Variants in CCDC88C observed in about 807,000 individuals in gnomAD.
CCDC88C encodes coiled-coil and HOOK domain protein 88C.
Under a neutral mutation model 198.8 loss-of-function variants are expected in CCDC88C, and 131 were observed. The observed-to-expected ratio is 0.66, with a 90% CI of 0.57 to 0.76. The LOEUF (loss-of-function observed/expected upper bound fraction) is 0.76. Ranked by LOEUF, CCDC88C falls within the 30% of genes least tolerant of loss-of-function variation. CCDC88C has a pLI of 0.00. For synonymous variants in CCDC88C, 1,166 were observed against 1,114.7 expected, an observed-to-expected ratio of 1.05 and a Z score of -0.92; for missense variants, 2,553 against 2,631.6, an observed-to-expected ratio of 0.97 and a Z score of 0.65.
At chr14:91,416,588 G>A (rs1400199050) in intron 2 of CCDC88C, 150 bp downstream of exon 2, 3 of 671,580 alleles carry the variant, frequency 4.5e-6, no homozygotes, top group East Asian at 2.7e-5. Flanking sequence ...TGTCCAACAG[G>A]CACGTTAATA....
At position 91,283,423 on chromosome 14, in the gene CCDC88C, G is replaced by A; in HGVS notation, c.4536C>T (p.Pro1512=). The A allele has an allele frequency of 6.2e-7, 1 of 1,613,724 alleles. No individual in the cohort carries two copies. Among genetic ancestry groups the A allele is most frequent in the Non-Finnish European group, 8.5e-7 (1 of 1,179,822 alleles). ...AGCAAGTCCGGGAGCCCAGCTCCGA[G>A]GGCCAGGACCTCATGGCCAGATCGG... ...ASTDLAMRSW[P]SELGSRTCST... The change falls in exon 26 of 30, where the codon CCC becomes CCT. Residue 1512 remains proline (P), a synonymous_variant. Coordinates refer to ENST00000389857, the MANE Select transcript of CCDC88C (RefSeq NM_001080414.4).
Position 91,273,149 on chromosome 14 carries a change from T to C in CCDC88C, c.5563A>G (p.Ser1855Gly). Reference protein sequence around the residue: ...LQSPAPPSSHSLARERTPLVG... With the variant: ...LQSPAPPSSHGLARERTPLVG... ...AGTGGGGTCCGCTCCCGGGCCAGGC[T>C]ATGGGAGCTGGGGGGTGCGGGGCTT... Residue 1855 changes from serine to glycine, a missense_variant, in exon 30 of 30, where the codon AGC becomes GGC. Around this residue, in one of 2 missense-constraint regions of CCDC88C, gnomAD observed 1,293 missense variants for 1,219.6 expected, o/e 1.06. Coordinates refer to ENST00000389857, the MANE Select transcript of CCDC88C (RefSeq NM_001080414.4). This position sits in a 1 kb window ranked among gnomAD's most constrained non-coding sequence, Gnocchi z 5.6. 6.3e-7 allele frequency: 1 copy of C among 1,581,144 alleles called. No individual in the cohort carries two copies. The highest frequency in any genetic ancestry group is 8.6e-7 in the Non-Finnish European group (1 of 1,163,996).
Position 91,289,415 on chromosome 14 carries a change from C to T in CCDC88C, c.4203-72G>A. 3 of 1,338,732 alleles carry T rather than the reference C, an allele frequency of 2.2e-6. No individual in the cohort carries two copies. In the Admixed American group the frequency reaches 5.0e-5, roughly 22 times the overall value. 82.9% of individuals were successfully genotyped at this position (1,338,732 alleles called of 1,614,324 possible). A position where few individuals can be genotyped will look rare whatever the true frequency, so the allele number is the denominator to read the frequency against. ...CCCCAGTGGGTCCCTGGTTCCCTAA[C>T]ATGGGCTGGGATGTTCTTCCCCAGT... On this transcript the variant is annotated intron_variant, in intron 24 of 29. Coordinates refer to ENST00000389857, the MANE Select transcript of CCDC88C (RefSeq NM_001080414.4).
Position 91,281,469 on chromosome 14 carries a change from G to A in CCDC88C, c.4687C>T (p.His1563Tyr). ...EPSLEFEVPN[H>Y]RQYVSRPSSL... ...CCTCCCTACTCACCGTACTGCCTGTGGTTGGGGACCTCAAACTCCAGGGAT... is the reference window on the plus strand; with the variant it reads ...CCTCCCTACTCACCGTACTGCCTGTAGTTGGGGACCTCAAACTCCAGGGAT... The change falls in exon 27 of 30, where the codon CAC becomes TAC. Residue 1563 changes from histidine (H) to tyrosine (Y), a missense_variant. By Grantham distance (83) the His-to-Tyr change is moderately conservative. This residue lies in a region of CCDC88C where 1,293 missense variants were observed against 1,219.6 expected (regional missense o/e 1.06). Coordinates refer to ENST00000389857, the MANE Select transcript of CCDC88C (RefSeq NM_001080414.4). 2 of 1,613,944 alleles carry A rather than the reference G, an allele frequency of 1.2e-6. No individual in the cohort carries two copies. The highest frequency in any genetic ancestry group is 1.7e-6 in the Non-Finnish European group (2 of 1,179,846).
In CCDC88C at chr14:91,272,494, C is replaced by T; in HGVS notation, c.*131G>A. The T allele has an allele frequency of 2.2e-6, 2 of 911,944 alleles. No individual in the cohort carries two copies. Among genetic ancestry groups the T allele is most frequent in the Non-Finnish European group, 3.3e-6 (2 of 601,964 alleles). 56.5% of individuals were successfully genotyped at this position (911,944 alleles called of 1,614,324 possible). On this transcript the variant is annotated 3_prime_UTR_variant, in exon 30 of 30. Coordinates refer to ENST00000389857, the MANE Select transcript of CCDC88C (RefSeq NM_001080414.4). ...GTGTTTCCATTCACAGAACAAACAG[C>T]AGAAATGCGTGGGAACCCCTTTCCT...
In CCDC88C at chr14:91,408,783, C is replaced by G; in HGVS notation, c.162-16G>C. On this transcript the variant is annotated splice_polypyrimidine_tract_variant and intron_variant, in intron 2 of 29. Coordinates refer to ENST00000389857, the MANE Select transcript of CCDC88C (RefSeq NM_001080414.4). ...CCTGGGATCTCTAGGGGAAGAAACA[C>G]GAGAATGGAAATTGCATCTCCCAGC... 6.4e-7 allele frequency: 1 copy of G among 1,568,610 alleles called. No individual in the cohort carries two copies. The highest frequency in any genetic ancestry group is 8.8e-7 in the Non-Finnish European group (1 of 1,139,118).
intron 3 of CCDC88C, among the ~76,000 whole-genome samples, chr14:91,400,134 T>C (rs1596161194): frequency 6.6e-6 from 1 of 151,852 alleles, no homozygotes; most frequent in Admixed American, 6.6e-5. Context: ...TTGCAGCTGA[T>C]TTACCTGGCC....
intron 3 of CCDC88C, among the ~76,000 whole-genome samples, chr14:91,366,664 G>A (rs1226343156): frequency 1.3e-5 from 2 of 152,190 alleles, no homozygotes; most frequent in South Asian, 2.1e-4. Flanking sequence ...GCACCTTCAA[G>A]CATCTTCTCA....
At chr14:91,393,908 A>G (rs953994360) in intron 3 of CCDC88C, among the ~76,000 whole-genome samples, 2 of 152,224 alleles carry the variant, frequency 1.3e-5, no homozygotes, top group Non-Finnish European at 2.9e-5. Flanking sequence ...AATGCCACAA[A>G]TTCTCACCCT....
At chr14:91,397,983 G>T (rs760670331) in intron 3 of CCDC88C, among the ~76,000 whole-genome samples, 3 of 152,230 alleles carry the variant, frequency 2.0e-5, no homozygotes, top group Non-Finnish European at 4.4e-5. Flanking sequence ...CTTGCTCCAT[G>T]AGCCTTGGTT....
At chr14:91,323,544 T>G (rs1285758491) in intron 12 of CCDC88C, among the ~76,000 whole-genome samples, 2 of 152,226 alleles carry the variant, frequency 1.3e-5, no homozygotes, top group Admixed American at 1.3e-4. Flanking sequence ...GCTTGCACGA[T>G]GCCATCATTC....
rs1008814979 is a variant in CCDC88C at position 91,273,980 on chromosome 14, C to T, written c.5059-327G>A. On this transcript the variant is annotated intron_variant, in intron 29 of 29. Coordinates refer to ENST00000389857, the MANE Select transcript of CCDC88C (RefSeq NM_001080414.4). This position sits in a 1 kb window ranked among gnomAD's most constrained non-coding sequence, Gnocchi z 5.6. ...GTTTCCCAGAAACCTCGACTATAGC[C>T]GACTGCTTCGGTCTGTCTGGTTTCC... Among the ~76,000 whole-genome samples, 22 of 152,060 alleles carry T rather than the reference C, an allele frequency of 1.4e-4. No individual in the cohort carries two copies. Among genetic ancestry groups the T allele is most frequent in the African/African-American group, 4.8e-4 (20 of 41,400 alleles).
chr14:91,397,945 T>G (rs896287856), intron 3 of CCDC88C, among the ~76,000 whole-genome samples: 1 of 152,238 alleles, frequency 6.6e-6, no homozygotes, highest in Admixed American at 6.5e-5. Flanking sequence ...TGAAGAAAAC[T>G]TGCAGCTTTC....
chr14:91,363,354 C>T (rs952489865), intron 3 of CCDC88C, among the ~76,000 whole-genome samples: 1 of 151,654 alleles, frequency 6.6e-6, no homozygotes, highest in Non-Finnish European at 1.5e-5. Context: ...CAGGCAATAC[C>T]CCCACCTCGG....
intron 23 of CCDC88C, among the ~76,000 whole-genome samples, chr14:91,293,619 C>A (rs1361810394): frequency 6.6e-6 from 1 of 151,602 alleles, no homozygotes; most frequent in African/African-American, 2.4e-5. Context: ...GTGGGCCTCC[C>A]CCAGACCCCC....
intron 23 of CCDC88C, among the ~76,000 whole-genome samples, chr14:91,292,188 C>T (rs140120183): frequency 5.3e-5 from 8 of 152,326 alleles, no homozygotes; most frequent in Non-Finnish European, 7.4e-5. Context: ...TCCCTTGACT[C>T]GACATCCGTG....
intron 25 of CCDC88C, 23 bp downstream of exon 25, chr14:91,289,082 A>C (rs1228943391): frequency 1.0e-5 from 16 of 1,598,040 alleles, no homozygotes; most frequent in Non-Finnish European, 1.4e-5. Flanking sequence ...TCACCCGACC[A>C]CGGCCAGGAC....
At chr14:91,353,749 A>C (rs28678756) in intron 4 of CCDC88C, among the ~76,000 whole-genome samples, 7,173 of 152,234 alleles carry the variant, frequency 0.047, 579 homozygotes, top group African/African-American at 0.16. Context: ...ACCCTCTGTA[A>C]CCATCATAAG....
At chr14:91,400,880 C>T (rs1029888477) in intron 3 of CCDC88C, among the ~76,000 whole-genome samples, 17 of 152,054 alleles carry the variant, frequency 1.1e-4, no homozygotes, top group African/African-American at 3.1e-4. Flanking sequence ...GAACTCCCTG[C>T]TAAGGAAATA....
Sources: allele counts gnomAD v4.1 joint callset (sites outside exome capture counted in the v4.1 genomes callset), GRCh38; gene constraint gnomAD v4.1.1; regional missense constraint gnomAD v4.1.1; non-coding constraint Gnocchi (gnomAD v3.1); transcripts MANE v1.5; gene names NCBI Gene and HGNC (gene_info 2026-07-23, HGNC 2026-07-21).